SYNE3: variants seen among roughly 807,000 people sequenced by gnomAD.
SYNE3 encodes spectrin repeat containing nuclear envelope family member 3.
In SYNE3, 100 loss-of-function variants were observed where a neutral mutation model predicts 111.2. The observed-to-expected ratio is 0.90, with a 90% CI of 0.77 to 1.06. The LOEUF (loss-of-function observed/expected upper bound fraction) is 1.06. Among genes scored for constraint, SYNE3 ranks in the 50% least tolerant of loss-of-function variants. SYNE3 has a pLI of 0.00. For synonymous variants in SYNE3, 547 were observed against 533.9 expected, an observed-to-expected ratio of 1.02 and a Z score of -0.34; for missense variants, 1,160 against 1,240.3, an observed-to-expected ratio of 0.94 and a Z score of 0.97.
At chr14:95,458,786 G>T (rs1887618392) in intron 4 of SYNE3, among the ~76,000 whole-genome samples, 1 of 152,208 alleles carries the variant, frequency 6.6e-6, no homozygotes, top group Non-Finnish European at 1.5e-5. Context: ...CTTCCTGAAT[G>T]GCAGGAAGCA....
chr14:95,452,083 G>A (rs1039187930), intron 7 of SYNE3, 164 bp downstream of exon 7: 34 of 820,548 alleles, frequency 4.1e-5, no homozygotes, highest in Non-Finnish European at 5.9e-5. Context: ...AAAGGGGACA[G>A]TGTCTGAGCC....
rs750634754 is a variant in SYNE3 at position 95,466,154 on chromosome 14, G to A, written c.404C>T (p.Thr135Ile). The change falls in exon 4 of 18, where the codon ACA becomes ATA. Residue 135 changes from threonine (T) to isoleucine (I), a missense_variant. Physicochemically the swap from Thr to Ile is moderately conservative, Grantham distance 89. Transcript: ENST00000682763. ...FYRWFQKMMV[T>I]LEPHIELQLG... ...CTGGAGCTCGATGTGGGGCTCCAGT[G>A]TGACCATCATCTTCTGGAACCAGCG... The A allele has an allele frequency of 1.8e-5, 29 of 1,608,766 alleles. No homozygotes were observed. Among genetic ancestry groups the A allele is most frequent in the Non-Finnish European group, 2.2e-5 (26 of 1,175,716 alleles).
Position 95,449,932 on chromosome 14 carries a change from T to G in SYNE3, c.1448A>C (p.Glu483Ala). The G allele has an allele frequency of 6.8e-7, 1 of 1,463,458 alleles. No individual in the cohort carries two copies. The highest frequency in any genetic ancestry group is 9.2e-7 in the Non-Finnish European group (1 of 1,091,054). 90.7% of individuals were successfully genotyped at this position (1,463,458 alleles called of 1,614,324 possible). A position where few individuals can be genotyped will look rare whatever the true frequency, so the allele number is the denominator to read the frequency against. ...PSLHTFLPQI[E>A]AALMESSRLK... The stretch of plus-strand genomic sequence containing the variant: ...CCCAGTTGGCAGGACCACGGTTACC[T>G]CGATCTGGGGCAGGAAGGTGTGAAG... The change falls in exon 8 of 18, where the codon GAG becomes GCG. Residue 483 changes from glutamate (E) to alanine (A), a missense_variant and splice_region_variant. Transcript: ENST00000682763.
chr14:95,421,923 C>A (rs986118031), intron 17 of SYNE3, among the ~76,000 whole-genome samples: 1 of 152,198 alleles, frequency 6.6e-6, no homozygotes, highest in Non-Finnish European at 1.5e-5. Context: ...TCTAATCTCA[C>A]CCTGAGTCAC....
intron 8 of SYNE3, among the ~76,000 whole-genome samples, chr14:95,447,921 A>T (rs1486120861): frequency 2.0e-5 from 3 of 152,244 alleles, no homozygotes; most frequent in Admixed American, 1.3e-4. Flanking sequence ...GTGCATAGAT[A>T]TTCAAAATAT....
At chr14:95,501,201 T>C (rs1382972874) in intron 1 of SYNE3, among the ~76,000 whole-genome samples, 1 of 152,220 alleles carries the variant, frequency 6.6e-6, no homozygotes, top group Non-Finnish European at 1.5e-5. Flanking sequence ...GTGACTCATC[T>C]TCTCCTTTGC....
chr14:95,420,770 G>A (rs972199058), intron 17 of SYNE3, among the ~76,000 whole-genome samples: 1 of 151,846 alleles, frequency 6.6e-6, no homozygotes, highest in Non-Finnish European at 1.5e-5. Flanking sequence ...AACCTTCTAA[G>A]AAGCCAACAA....
At chr14:95,475,276 C>T (rs2139510408) in intron 2 of SYNE3, among the ~76,000 whole-genome samples, 1 of 152,352 alleles carries the variant, frequency 6.6e-6, no homozygotes, top group African/African-American at 2.4e-5. Context: ...AAGACCTTGG[C>T]CAACCCAGAT....
At chr14:95,450,229 G>A (rs10148435) in intron 7 of SYNE3, 124 bp from the exon 8 acceptor site, 332,045 of 1,136,308 alleles carry the variant, frequency 0.29, 50,813 homozygotes, top group Admixed American at 0.48. Context: ...GCCTTCTCCT[G>A]TTTCAGTTGC....
At chr14:95,492,028 C>T (rs1278099383) in intron 1 of SYNE3, among the ~76,000 whole-genome samples, 1 of 152,220 alleles carries the variant, frequency 6.6e-6, no homozygotes, top group African/African-American at 2.4e-5. Flanking sequence ...AGAAAAGATT[C>T]TCAACATCAC....
intron 4 of SYNE3, among the ~76,000 whole-genome samples, chr14:95,461,616 T>C (rs767571580): frequency 1.3e-5 from 2 of 152,196 alleles, no homozygotes; most frequent in Non-Finnish European, 2.9e-5. Flanking sequence ...TTTTCCTCGT[T>C]GGAGCAGTGG....
chr14:95,428,114 G>T (rs1885542558), intron 17 of SYNE3, among the ~76,000 whole-genome samples: 1 of 152,164 alleles, frequency 6.6e-6, no homozygotes, highest in Non-Finnish European at 1.5e-5. Context: ...AAGGAGAAAT[G>T]AGAAATAAAC....
chr14:95,480,770 A>G (rs993735719), intron 1 of SYNE3, among the ~76,000 whole-genome samples: 9 of 152,222 alleles, frequency 5.9e-5, no homozygotes, highest in African/African-American at 1.4e-4. Flanking sequence ...CTGAAAAAAA[A>G]AAGGCCAGCC....
intron 1 of SYNE3, among the ~76,000 whole-genome samples, chr14:95,502,964 C>T (rs1017128404): frequency 3.3e-5 from 5 of 152,210 alleles, no homozygotes; most frequent in East Asian, 1.9e-4. Flanking sequence ...TGCTGGAGGT[C>T]GGACTCCCAG....
Position 95,413,783 on chromosome 14 carries a change from T to C in SYNE3, c.*4043A>G, listed in dbSNP as rs888922341. 3 of 152,232 alleles carry C rather than the reference T, an allele frequency of 2.0e-5. No homozygotes were observed. The highest frequency in any genetic ancestry group is 2.0e-4 in the Admixed American group (3 of 15,284). The allele number at this position is 152,232 out of a possible 1,614,324, so 9.4% of individuals were successfully genotyped here. A position where few individuals can be genotyped will look rare whatever the true frequency, so the allele number is the denominator to read the frequency against. On this transcript the variant is annotated 3_prime_UTR_variant, in exon 18 of 18. Coordinates refer to ENST00000682763, the MANE Select transcript of SYNE3 (RefSeq NM_152592.6). The stretch of plus-strand genomic sequence containing the variant: ...AGATGGAATTGGGTCAGGTCATCCT[T>C]GACCCATTTCCTCTGGAAGGGAGTC...
chr14:95,448,296 G>C (rs1010833279), intron 8 of SYNE3, among the ~76,000 whole-genome samples: 1 of 151,504 alleles, frequency 6.6e-6, no homozygotes, highest in Non-Finnish European at 1.5e-5. Flanking sequence ...GCCCTGAGGA[G>C]TACCTAGAAA....
chr14:95,457,182 G>T lies in SYNE3; in HGVS notation c.784C>A (p.Leu262Met). The T allele has an allele frequency of 1.2e-6, 2 of 1,613,596 alleles. No individual in the cohort carries two copies. The highest frequency in any genetic ancestry group is 1.7e-6 in the Non-Finnish European group (2 of 1,179,818). ...GAGACACAGCTGGGGATTACCTGCA[G>T]TGTGGAGAGGCGCTGCGTGATGGGC... ...KLPITQRLST[L>M]QDIAKDFPRG... Residue 262 changes from leucine to methionine, a missense_variant, in exon 5 of 18, where the codon CTG (leucine) becomes ATG (methionine). Physicochemically the swap from Leu to Met is conservative, Grantham distance 15. Coordinates refer to ENST00000682763, the MANE Select transcript of SYNE3 (RefSeq NM_152592.6).
In SYNE3 at chr14:95,407,470, A is replaced by G. The variant is rs915407520; in HGVS notation, c.*10356T>C. The G allele has an allele frequency of 1.3e-5, 2 of 152,156 alleles. No homozygotes were observed. The highest frequency in any genetic ancestry group is 4.8e-5 in the African/African-American group (2 of 41,434). The allele number at this position is 152,156 out of a possible 1,614,324, so 9.4% of individuals were successfully genotyped here. On this transcript the variant is annotated 3_prime_UTR_variant, in exon 18 of 18. Transcript: ENST00000682763. The stretch of plus-strand genomic sequence containing the variant: ...CCGGGGTCCTGGTGTTCCTCCCTGG[A>G]TGGCGGGGAAGGCTCCATTAGCTTT...
chr14:95,419,647 G>A (rs1430671187), intron 17 of SYNE3, among the ~76,000 whole-genome samples: 3 of 142,284 alleles, frequency 2.1e-5, no homozygotes, highest in African/African-American at 5.2e-5. Context: ...GGAGGTGATG[G>A]CAATGATGGC....
Sources: gnomAD v4.1 joint callset for allele counts (sites outside exome capture counted in the v4.1 genomes callset) on GRCh38, gnomAD v4.1.1 for gene constraint, MANE v1.5 for transcripts, NCBI Gene and HGNC (gene_info 2026-07-23, HGNC 2026-07-21) for gene names.